The following KCNK13 variants were observed in gnomAD, a reference collection of about 807,000 sequenced individuals.
KCNK13 encodes the protein potassium two pore domain channel subfamily K member 13.
Under a neutral mutation model 23.4 loss-of-function variants are expected in KCNK13, and 12 were observed. The observed-to-expected ratio is 0.51, with a 90% CI of 0.33 to 0.83. KCNK13 has a LOEUF of 0.83. Ranked by LOEUF, KCNK13 falls within the 40% of genes least tolerant of loss-of-function variation. The pLI is 0.02. For synonymous variants in KCNK13, 231 were observed against 229.5 expected, an observed-to-expected ratio of 1.01 and a Z score of -0.06; for missense variants, 463 against 556.3, an observed-to-expected ratio of 0.83 and a Z score of 1.69.
At chr14:90,182,540 G>T (rs1259283317) in intron 1 of KCNK13, among the ~76,000 whole-genome samples, 1 of 152,164 alleles carries the variant, frequency 6.6e-6, no homozygotes, top group Non-Finnish European at 1.5e-5. Context: ...GGAAAAACTG[G>T]GTTGGGTATG....
intron 1 of KCNK13, among the ~76,000 whole-genome samples, chr14:90,063,322 G>T (rs1888968627): frequency 1.3e-5 from 2 of 152,112 alleles, no homozygotes; most frequent in African/African-American, 4.8e-5. Context: ...TTACCTAGAG[G>T]CACCTGGGAG....
At chr14:90,128,385 A>G (rs1055543838) in intron 1 of KCNK13, among the ~76,000 whole-genome samples, 1 of 152,180 alleles carries the variant, frequency 6.6e-6, no homozygotes, top group Non-Finnish European at 1.5e-5. Context: ...GGCATTTTTC[A>G]GGGGCCTCTT....
intron 1 of KCNK13, among the ~76,000 whole-genome samples, chr14:90,119,696 T>G (rs775400862): frequency 6.6e-6 from 1 of 152,168 alleles, no homozygotes; most frequent in African/African-American, 2.4e-5. Flanking sequence ...GCCTCCCAGG[T>G]TCAAGCAATT....
intron 1 of KCNK13, among the ~76,000 whole-genome samples, chr14:90,089,131 C>T (rs1360591010): frequency 1.3e-5 from 2 of 152,146 alleles, no homozygotes; most frequent in Non-Finnish European, 2.9e-5. Context: ...AACTGGGTAA[C>T]AGGCAGAGAC....
chr14:90,115,713 C>A (rs569475153), intron 1 of KCNK13, among the ~76,000 whole-genome samples: 1 of 152,230 alleles, frequency 6.6e-6, no homozygotes, highest in East Asian at 1.9e-4. Context: ...AGAAAAAAAA[C>A]AGGCAACAGG....
At chr14:90,101,658 C>T (rs1291014454) in intron 1 of KCNK13, among the ~76,000 whole-genome samples, 1 of 151,318 alleles carries the variant, frequency 6.6e-6, no homozygotes, top group Non-Finnish European at 1.5e-5. Flanking sequence ...GGTGTGGTGG[C>T]GTGCTCCTGT....
chr14:90,072,061 C>T (rs1889081742), intron 1 of KCNK13, among the ~76,000 whole-genome samples: 1 of 152,116 alleles, frequency 6.6e-6, no homozygotes, highest in Non-Finnish European at 1.5e-5. Context: ...TGGGGAAAAT[C>T]ACCTCATCAG....
chr14:90,154,291 G>GTGCTCTCCTACCCACAATACC, intron 1 of KCNK13, among the ~76,000 whole-genome samples: 1 of 130,696 alleles, frequency 7.7e-6, no homozygotes, highest in Non-Finnish European at 1.6e-5. Flanking sequence ...CCACAATGCT[G>GTGCTCTCCTACCCACAATACC]TGCTCTCCTA....
Position 90,184,323 on chromosome 14 carries a change from G to T in KCNK13, c.547G>T (p.Glu183Ter). 6.2e-7 allele frequency: 1 copy of T among 1,614,254 alleles called. No individual in the cohort carries two copies. The highest frequency in any genetic ancestry group is 8.5e-7 in the Non-Finnish European group (1 of 1,180,052). ...QESLKDAGQC[E>*]VDSLAGWKPS... ...GAGCCTGAAGGATGCGGGGCAGTGT[G>T]AGGTGGACAGCCTGGCCGGCTGGAA... Residue 183 changes from glutamate (E) to a stop codon, truncating the protein, a stop_gained, in exon 2 of 2, where the codon GAG (glutamate) becomes TAG (stop). Transcript: ENST00000282146. LOFTEE classifies it high-confidence loss of function. This position sits in a 1 kb window ranked among gnomAD's most constrained non-coding sequence, Gnocchi z 5.6.
rs71117323 is a variant in KCNK13 at position 90,144,495 on chromosome 14, C to CTTTTTTTTTTTT, written c.335-39610_335-39599dup. On this transcript the variant is annotated intron_variant, in intron 1 of 1. Coordinates refer to ENST00000282146, the MANE Select transcript of KCNK13 (RefSeq NM_022054.4). ...GAGAATGAAGGCTGTTTTACTTTCT[C>CTTTTTTTTTTTT]TTTTTTTTTTTTTTTTTGTGAGATA... Among the ~76,000 whole-genome samples, 81 of 119,220 alleles carry CTTTTTTTTTTTT rather than the reference C, an allele frequency of 6.8e-4. 2 individuals carry two copies. The highest frequency in any genetic ancestry group is 2.4e-3 in the East Asian group (9 of 3,822). 78.2% of individuals were successfully genotyped at this position (119,220 alleles called of 152,430 possible). A position where few individuals can be genotyped will look rare whatever the true frequency, so the allele number is the denominator to read the frequency against.
chr14:90,151,297 C>G (rs79160313), intron 1 of KCNK13, among the ~76,000 whole-genome samples: 1 of 152,094 alleles, frequency 6.6e-6, no homozygotes, highest in Non-Finnish European at 1.5e-5. Context: ...ACCACATCAA[C>G]GACACTTACC....
intron 1 of KCNK13, among the ~76,000 whole-genome samples, chr14:90,075,125 T>C (rs1032542018): frequency 1.3e-5 from 2 of 152,198 alleles, no homozygotes; most frequent in Admixed American, 6.5e-5. Flanking sequence ...TTTTTCTTAT[T>C]TTTTAAGTCT....
chr14:90,101,463 T>A (rs1889476211), intron 1 of KCNK13, among the ~76,000 whole-genome samples: 1 of 151,892 alleles, frequency 6.6e-6, no homozygotes, highest in Non-Finnish European at 1.5e-5. Context: ...GACTACAAAT[T>A]GGGTTCAGGG....
At chr14:90,150,549 T>C (rs1199409250) in intron 1 of KCNK13, among the ~76,000 whole-genome samples, 1 of 152,158 alleles carries the variant, frequency 6.6e-6, no homozygotes. Flanking sequence ...TCCAGAGACA[T>C]ATTTGATGAG....
At chr14:90,080,795 C>T (rs957602216) in intron 1 of KCNK13, among the ~76,000 whole-genome samples, 1 of 152,174 alleles carries the variant, frequency 6.6e-6, no homozygotes, top group Admixed American at 6.5e-5. Flanking sequence ...AAATAGCTAA[C>T]CGGCCCATGT....
intron 1 of KCNK13, among the ~76,000 whole-genome samples, chr14:90,142,096 C>T (rs1384850625): frequency 4.0e-5 from 6 of 151,560 alleles, no homozygotes; most frequent in Admixed American, 3.9e-4. Context: ...CTTATGCCCT[C>T]TTGTAGCTCA....
intron 1 of KCNK13, among the ~76,000 whole-genome samples, chr14:90,101,425 TG>T (rs1889475840): frequency 6.6e-6 from 1 of 151,930 alleles, no homozygotes; most frequent in Non-Finnish European, 1.5e-5. Flanking sequence ...AATTCTCCCA[TG>T]GGGTGCAACG....
chr14:90,120,367 T>A (rs952879621), intron 1 of KCNK13, among the ~76,000 whole-genome samples: 2 of 152,210 alleles, frequency 1.3e-5, no homozygotes, highest in Non-Finnish European at 2.9e-5. Flanking sequence ...ACTGTGTTAG[T>A]CCATTCTTAC....
chr14:90,122,614 T>A (rs1007249534), intron 1 of KCNK13, among the ~76,000 whole-genome samples: 1 of 152,154 alleles, frequency 6.6e-6, no homozygotes, highest in East Asian at 1.9e-4. Context: ...TGCAAAAGGG[T>A]TGTACTCACT....
Sources: gnomAD v4.1 joint callset for allele counts (sites outside exome capture counted in the v4.1 genomes callset) on GRCh38, gnomAD v4.1.1 for gene constraint, Gnocchi (gnomAD v3.1) non-coding constraint, MANE v1.5 for transcripts, NCBI Gene and HGNC (gene_info 2026-07-23, HGNC 2026-07-21) for gene names.